The following OSBP2 variants were observed in gnomAD, a reference collection of about 807,000 sequenced individuals.
OSBP2 encodes the protein oxysterol binding protein 2, also known as oxysterol-binding protein 2.
A neutral mutation model predicts 96.0 loss-of-function variants in OSBP2; 66 were observed. That is an observed-to-expected ratio of 0.69 (90% CI 0.56 to 0.84). The LOEUF is 0.84. OSBP2 is among the 40% of genes least tolerant of loss of function. The pLI, the probability that OSBP2 is intolerant of heterozygous loss-of-function variation, is 0.00. For missense variants in OSBP2, 1,038 were observed against 1,222.7 expected, an observed-to-expected ratio of 0.85 and a Z score of 2.25; for synonymous variants, 525 against 520.9, an observed-to-expected ratio of 1.01 and a Z score of -0.11.
chr22:30,693,942 G>A, upstream of OSBP2: 4 of 879,124 alleles, frequency 4.5e-6, no homozygotes, highest in Non-Finnish European at 7.0e-6. Flanking sequence ...TCCAGCCTGG[G>A]CTACCGAGTG....
At chr22:30,879,123 T>C (rs977752098) in intron 3 of OSBP2, among the ~76,000 whole-genome samples, 4 of 152,158 alleles carry the variant, frequency 2.6e-5, no homozygotes, top group Admixed American at 1.3e-4. Flanking sequence ...CCCTCTTGGC[T>C]CACGGCCCAG....
rs962806299 is a variant in OSBP2, at chr22:30,782,122, G to A, written c.853+40753G>A. 1.8e-4 allele frequency among the ~76,000 whole-genome samples: 28 copies of A among 152,160 alleles called. 1 individual carries two copies. Among genetic ancestry groups the A allele is most frequent in the Non-Finnish European group, 8.8e-5 (6 of 68,040 alleles). On this transcript the variant is annotated intron_variant, in intron 2 of 13. Transcript: ENST00000332585. ...GATTACGCCACTGCACTCCAGCCAC[G>A]GCGGCAGAGTGAGACTCTGTCTCAA...
intron 2 of OSBP2, among the ~76,000 whole-genome samples, chr22:30,845,878 C>CAAAA (rs544099138): frequency 2.1e-4 from 15 of 70,546 alleles, no homozygotes; most frequent in Admixed American, 8.3e-4. Flanking sequence ...GAGACTCTCT[C>CAAAA]AAAAAAAAAA....
chr22:30,694,620 G>A (rs1304556206), upstream of OSBP2, among the ~76,000 whole-genome samples: 13 of 4,404 alleles, frequency 3.0e-3, no homozygotes, highest in East Asian at 0.1. Context: ...CCTGAAGCGC[G>A]CCATCCCCTT....
At chr22:30,766,893 G>C (rs1187992726) in intron 2 of OSBP2, among the ~76,000 whole-genome samples, 2 of 152,160 alleles carry the variant, frequency 1.3e-5, no homozygotes, top group Non-Finnish European at 2.9e-5. Flanking sequence ...CAAGGACAGA[G>C]GTGCATCCTG....
chr22:30,738,788 C>T (rs911178637), intron 1 of OSBP2, among the ~76,000 whole-genome samples: 1 of 152,084 alleles, frequency 6.6e-6, no homozygotes, highest in Non-Finnish European at 1.5e-5. Flanking sequence ...TCACAATCTC[C>T]TCACCTCAAG....
At chr22:30,828,729 T>A (rs1229975202) in intron 2 of OSBP2, among the ~76,000 whole-genome samples, 1 of 152,070 alleles carries the variant, frequency 6.6e-6, no homozygotes, top group Non-Finnish European at 1.5e-5. Context: ...TGAGTGTCAC[T>A]GTGTGAAGGG....
At chr22:30,789,901 AATTTT>A (rs1448469636) in intron 2 of OSBP2, among the ~76,000 whole-genome samples, 1 of 152,124 alleles carries the variant, frequency 6.6e-6, no homozygotes, top group Non-Finnish European at 1.5e-5. Context: ...ATCACAGTTT[AATTTT>A]ATTTTGTGCC....
chr22:30,789,102 A>G (rs1462073298), intron 2 of OSBP2, among the ~76,000 whole-genome samples: 1 of 152,228 alleles, frequency 6.6e-6, no homozygotes, highest in African/African-American at 2.4e-5. Flanking sequence ...CATTTATAGT[A>G]TGTCTGGAGA....
intron 12 of OSBP2, among the ~76,000 whole-genome samples, chr22:30,895,952 A>C (rs2147173613): frequency 6.6e-6 from 1 of 151,016 alleles, no homozygotes; most frequent in East Asian, 2.0e-4. Flanking sequence ...TGGACACAGT[A>C]CTTTAAAGGG....
chr22:30,860,259 C>T (rs556295332), intron 2 of OSBP2, among the ~76,000 whole-genome samples: 4 of 152,218 alleles, frequency 2.6e-5, no homozygotes, highest in East Asian at 1.9e-4. Flanking sequence ...GATTGTATCT[C>T]GGAGCAGGCA....
chr22:30,743,183 G>A (rs535382867), intron 2 of OSBP2, among the ~76,000 whole-genome samples: 5 of 152,314 alleles, frequency 3.3e-5, no homozygotes, highest in African/African-American at 1.2e-4. Flanking sequence ...GTGGGGAGAT[G>A]GTGAGTCCTG....
chr22:30,879,207 G>C (rs182697278), intron 3 of OSBP2, among the ~76,000 whole-genome samples: 13 of 152,326 alleles, frequency 8.5e-5, no homozygotes, highest in African/African-American at 2.6e-4. Flanking sequence ...TTGTCCCTCC[G>C]GGGCCTGTGG....
intron 2 of OSBP2, among the ~76,000 whole-genome samples, chr22:30,869,434 T>G (rs2039413787): frequency 6.6e-6 from 1 of 152,272 alleles, no homozygotes; most frequent in Non-Finnish European, 1.5e-5. Context: ...AGAATGGCTG[T>G]GTTCCTGCAG....
At chr22:30,841,068 G>A (rs540050853) in intron 2 of OSBP2, among the ~76,000 whole-genome samples, 36 of 152,108 alleles carry the variant, frequency 2.4e-4, no homozygotes, top group Non-Finnish European at 4.6e-4. Flanking sequence ...GGGGGTCTGA[G>A]GAATGAGAAT....
rs2040007668 is a variant in OSBP2 at position 30,893,816 on chromosome 22, G to A, written c.2191-1G>A. 2 of 1,597,042 alleles carry A rather than the reference G, an allele frequency of 1.3e-6. No homozygotes were observed. The highest frequency in any genetic ancestry group is 2.7e-5 in the African/African-American group (2 of 74,568). ...TACGCTGGTCCTGCCAATGTCCACA[G>A]GTGACAGGAGTGGTGAGTGACAGCC... On this transcript the variant is annotated splice_acceptor_variant, in intron 11 of 13. Transcript: ENST00000332585. LOFTEE classifies it high-confidence loss of function.
intron 2 of OSBP2, among the ~76,000 whole-genome samples, chr22:30,803,360 C>T (rs976711999): frequency 6.6e-6 from 1 of 152,190 alleles, no homozygotes; most frequent in African/African-American, 2.4e-5. Context: ...GAGGGCAGGC[C>T]CCTCTGCCCT....
intron 2 of OSBP2, among the ~76,000 whole-genome samples, chr22:30,751,045 T>C (rs2090068203): frequency 6.6e-6 from 1 of 152,160 alleles, no homozygotes; most frequent in Non-Finnish European, 1.5e-5. Context: ...CCGGCCTCTA[T>C]TGATAACTCT....
rs2089758749 is a variant in OSBP2 at position 30,730,798 on chromosome 22, AT to A, written c.645-10362del. On this transcript the variant is annotated intron_variant, in intron 1 of 13. Coordinates refer to ENST00000332585, the MANE Select transcript of OSBP2 (RefSeq NM_030758.4). ...TCTATATATATATATATATATATATATATATATATAATTTTTTTTTTTTTTC... is the reference window on the plus strand; with the variant it reads ...TCTATATATATATATATATATATATAATATATATAATTTTTTTTTTTTTTC... Among the ~76,000 whole-genome samples the A allele has an allele frequency of 1.8e-4, 9 of 50,960 alleles. 1 individual carries two copies. Among genetic ancestry groups the A allele is most frequent in the African/African-American group, 9.3e-4 (9 of 9,646 alleles). The allele number at this position is 50,960 out of a possible 152,430, so 33.4% of individuals were successfully genotyped here. A position where few individuals can be genotyped will look rare whatever the true frequency, so the allele number is the denominator to read the frequency against.
Sources: gnomAD v4.1 joint callset for allele counts (sites outside exome capture counted in the v4.1 genomes callset) on GRCh38, gnomAD v4.1.1 for gene constraint, MANE v1.5 for transcripts, NCBI Gene and HGNC (gene_info 2026-07-23, HGNC 2026-07-21) for gene names.